Variants in SPINK8 observed in about 807,000 individuals in gnomAD.
SPINK8 encodes the protein serine protease inhibitor Kazal-type 8.
A neutral mutation model predicts 14.4 loss-of-function variants in SPINK8; 12 were observed. The ratio of observed to expected loss-of-function variants is 0.83; its 90% CI spans 0.53 to 1.35. SPINK8 has a LOEUF of 1.35. Among genes scored for constraint, SPINK8 ranks in the 40% most tolerant of loss-of-function variants. The pLI, the probability that SPINK8 is intolerant of heterozygous loss-of-function variation, is 0.00. For missense variants in SPINK8, 103 were observed against 117.0 expected, an observed-to-expected ratio of 0.88 and a Z score of 0.55; for synonymous variants, 32 against 37.6, an observed-to-expected ratio of 0.85 and a Z score of 0.55.
intron 4 of SPINK8, among the ~76,000 whole-genome samples, chr3:48,324,633 C>T (rs1053145298): frequency 2.6e-5 from 4 of 152,114 alleles, no homozygotes; most frequent in African/African-American, 9.7e-5. Context: ...TTCAAATAAA[C>T]ATTTCTATAT....
At chr3:48,328,205 C>T in intron 4 of SPINK8, 70 bp downstream of exon 4, 1 of 1,272,398 alleles carries the variant, frequency 7.9e-7, no homozygotes, top group African/African-American at 1.5e-5. Flanking sequence ...CTTCCACTTC[C>T]ATCTCTAATC....
At chr3:48,319,696 G>A (rs905716211) in intron 5 of SPINK8, 78 bp from the exon 6 acceptor site, 4 of 1,583,508 alleles carry the variant, frequency 2.5e-6, no homozygotes, top group South Asian at 2.3e-5. Flanking sequence ...AGCTTGGGAG[G>A]TGGATGGAAT....
At chr3:48,331,674 C>G (rs1401677999) in intron 2 of SPINK8, among the ~76,000 whole-genome samples, 1 of 152,104 alleles carries the variant, frequency 6.6e-6, no homozygotes, top group Non-Finnish European at 1.5e-5. Context: ...AATGTCTCTC[C>G]CTAACAAGGG....
intron 4 of SPINK8, among the ~76,000 whole-genome samples, chr3:48,322,087 T>A (rs1046285703): frequency 1.3e-5 from 2 of 152,090 alleles, no homozygotes; most frequent in Admixed American, 6.5e-5. Context: ...AGTGCTGGGA[T>A]TACAGATGTA....
At chr3:48,327,779 C>T (rs781153782) in intron 4 of SPINK8, among the ~76,000 whole-genome samples, 2 of 151,990 alleles carry the variant, frequency 1.3e-5, no homozygotes, top group Admixed American at 6.6e-5. Flanking sequence ...TTAAGTGAGA[C>T]GCCGTACCAA....
intron 6 of SPINK8, among the ~76,000 whole-genome samples, chr3:48,316,686 T>C (rs955231234): frequency 6.6e-6 from 1 of 151,978 alleles, no homozygotes; most frequent in African/African-American, 2.4e-5. Context: ...GGTGGGAGGA[T>C]CACTTGAGCC....
chr3:48,325,591 A>ATTT (rs34299222), intron 4 of SPINK8, among the ~76,000 whole-genome samples: 2 of 132,044 alleles, frequency 1.5e-5, no homozygotes, highest in Non-Finnish European at 3.2e-5. Flanking sequence ...TGCCTGGCTA[A>ATTT]TTTTTTTTTT....
At chr3:48,314,184 C>A (rs753490199) in intron 6 of SPINK8, among the ~76,000 whole-genome samples, 3 of 152,074 alleles carry the variant, frequency 2.0e-5, no homozygotes, top group Non-Finnish European at 4.4e-5. Context: ...ATAAGTTGCT[C>A]CCCTCAGGTC....
intron 4 of SPINK8, among the ~76,000 whole-genome samples, chr3:48,327,238 T>C (rs1302503590): frequency 6.6e-6 from 1 of 152,186 alleles, no homozygotes; most frequent in Admixed American, 6.5e-5. Flanking sequence ...TTAAGGAGAA[T>C]ATAAAAATAT....
At chr3:48,324,282 C>T (rs1028918565) in intron 4 of SPINK8, among the ~76,000 whole-genome samples, 1 of 152,030 alleles carries the variant, frequency 6.6e-6, no homozygotes, top group Admixed American at 6.6e-5. Flanking sequence ...ATTTCATTTT[C>T]AGGATGTTCA....
In SPINK8 at chr3:48,306,877, CA is replaced by C. The variant is rs2035857478; in HGVS notation, c.*114del. ...AGAATCATTTATTGAAGACATAAATCAACGAGTTTGATCCAACCATTAGTAA... is the reference window on the plus strand; with the variant it reads ...AGAATCATTTATTGAAGACATAAATCACGAGTTTGATCCAACCATTAGTAA... On this transcript the variant is annotated 3_prime_UTR_variant, in exon 8 of 8. Transcript: ENST00000434006. 1.9e-6 allele frequency: 2 copies of C among 1,034,126 alleles called. No individual in the cohort carries two copies. Among genetic ancestry groups the C allele is most frequent in the African/African-American group, 3.2e-5 (2 of 62,122 alleles). The allele number at this position is 1,034,126 out of a possible 1,614,324, so 64.1% of individuals were successfully genotyped here. A position where few individuals can be genotyped will look rare whatever the true frequency, so the allele number is the denominator to read the frequency against.
At chr3:48,321,129 G>GAAAAAAAAA in intron 4 of SPINK8, 55 bp from the exon 5 acceptor site, 2 of 1,523,670 alleles carry the variant, frequency 1.3e-6, no homozygotes, top group Admixed American at 2.1e-5. Context: ...TGCCCTCAGC[G>GAAAAAAAAA]AAAAAGGTAA....
At chr3:48,311,003 A>C (rs1428668967) in intron 6 of SPINK8, among the ~76,000 whole-genome samples, 3 of 152,112 alleles carry the variant, frequency 2.0e-5, no homozygotes, top group Non-Finnish European at 4.4e-5. Context: ...ATACCAACAA[A>C]TTGAATACAA....
At chr3:48,320,547 CAA>C (rs60928111) in intron 5 of SPINK8, among the ~76,000 whole-genome samples, 1 of 137,082 alleles carries the variant, frequency 7.3e-6, no homozygotes. Flanking sequence ...GACTCCGTCT[CAA>C]AAAAAAAAAA....
At chr3:48,321,819 A>C (rs534795431) in intron 4 of SPINK8, among the ~76,000 whole-genome samples, 3 of 152,070 alleles carry the variant, frequency 2.0e-5, no homozygotes, top group African/African-American at 7.2e-5. Context: ...GTCTAAAAAA[A>C]AAAAAAGTTT....
intron 4 of SPINK8, among the ~76,000 whole-genome samples, chr3:48,327,487 C>T (rs548870017): frequency 7.2e-5 from 11 of 152,198 alleles, no homozygotes; most frequent in South Asian, 4.1e-4. Flanking sequence ...GGTGTGTTCC[C>T]GACAGAGGAT....
rs760291243 is a variant in SPINK8, at chr3:48,328,278, T to A, written c.64A>T (p.Ile22Phe). 6.2e-7 allele frequency: 1 copy of A among 1,609,578 alleles called. No homozygotes were observed. The part of the protein sequence containing the change: ...LATSMWMAFA[I>F]DFPLPMASER... ...AGAGCAAGGACACATAACTCACCAA[T>A]TGCAAAGGCCATCCACATGGAGGTA... Residue 22 changes from isoleucine to phenylalanine, a missense_variant, in exon 4 of 8, where the codon ATT becomes TTT. Coordinates refer to ENST00000434006, the MANE Select transcript of SPINK8 (RefSeq NM_001080525.3).
At chr3:48,332,928 A>G (rs1358698241) in intron 1 of SPINK8, among the ~76,000 whole-genome samples, 1 of 151,826 alleles carries the variant, frequency 6.6e-6, no homozygotes, top group East Asian at 1.9e-4. Flanking sequence ...TCCTCCCACC[A>G]CTTCAAGGGG....
Position 48,321,017 on chromosome 3 carries a change from G to T in SPINK8, c.117+8C>A, listed in dbSNP as rs1284738549. The T allele has an allele frequency of 1.3e-6, 2 of 1,587,626 alleles. No individual in the cohort carries two copies. The highest frequency in any genetic ancestry group is 8.6e-7 in the Non-Finnish European group (1 of 1,165,836). Reference sequence around the variant, plus strand: ...CCTGTTATTAGGAACCAAGGAAGCAGTACTCACTATTGTTTTGTCTAGCTG... The same window carrying T: ...CCTGTTATTAGGAACCAAGGAAGCATTACTCACTATTGTTTTGTCTAGCTG... On this transcript the variant is annotated splice_region_variant and intron_variant, in intron 5 of 7. Coordinates refer to ENST00000434006, the MANE Select transcript of SPINK8 (RefSeq NM_001080525.3).
Sources: allele counts gnomAD v4.1 joint callset (sites outside exome capture counted in the v4.1 genomes callset), GRCh38; gene constraint gnomAD v4.1.1; transcripts MANE v1.5; gene names NCBI Gene and HGNC (gene_info 2026-07-23, HGNC 2026-07-21).